The following RALYL variants were observed in gnomAD, a reference collection of about 807,000 sequenced individuals.
RALYL encodes the protein RALY RNA binding protein like, also known as RNA-binding Raly-like protein.
Under a neutral mutation model 35.1 loss-of-function variants are expected in RALYL, and 29 were observed. The ratio of observed to expected loss-of-function variants is 0.83; its 90% CI spans 0.61 to 1.13. The LOEUF is 1.13. Ranked by LOEUF, RALYL falls within the 50% of genes most tolerant of loss-of-function variation. RALYL has a pLI of 0.00. For synonymous variants in RALYL, 120 were observed against 127.6 expected (o/e 0.94, Z 0.40); for missense variants, 359 against 360.4 (o/e 1.00, Z 0.03).
At chr8:84,248,289 A>G (rs1279141490) in intron 1 of RALYL, among the ~76,000 whole-genome samples, 3 of 152,144 alleles carry the variant, frequency 2.0e-5, no homozygotes, top group African/African-American at 7.2e-5. Flanking sequence ...CAGGGGGCTT[A>G]TGGGAGTAAA....
intron 1 of RALYL, among the ~76,000 whole-genome samples, chr8:84,353,126 T>A (rs1286325590): frequency 6.7e-6 from 1 of 150,186 alleles, no homozygotes; most frequent in East Asian, 1.9e-4. Context: ...TATTAACATA[T>A]ACATACACAG....
intron 2 of RALYL, among the ~76,000 whole-genome samples, chr8:84,582,846 T>A (rs1188594659): frequency 1.3e-5 from 2 of 151,668 alleles, no homozygotes; most frequent in Non-Finnish European, 2.9e-5. Context: ...TTTAATTTCA[T>A]AAAATATGCT....
chr8:84,260,225 C>G (rs1831998099), intron 1 of RALYL, among the ~76,000 whole-genome samples: 1 of 152,070 alleles, frequency 6.6e-6, no homozygotes, highest in Non-Finnish European at 1.5e-5. Context: ...ACATGTGCCT[C>G]CAGAACCTAA....
intron 1 of RALYL, among the ~76,000 whole-genome samples, chr8:84,416,461 G>T (rs868274525): frequency 6.6e-6 from 1 of 152,132 alleles, no homozygotes; most frequent in Non-Finnish European, 1.5e-5. Context: ...CTGAATAATA[G>T]TTCCCATATG....
At chr8:84,701,477 C>G (rs1250212783) in intron 2 of RALYL, among the ~76,000 whole-genome samples, 1 of 152,154 alleles carries the variant, frequency 6.6e-6, no homozygotes, top group South Asian at 2.1e-4. Context: ...ACTCTATATA[C>G]AGTGTCTTGA....
intron 2 of RALYL, among the ~76,000 whole-genome samples, chr8:84,760,388 GATATTCTACCAATTC>G (rs1812408223): frequency 6.6e-6 from 1 of 151,812 alleles, no homozygotes; most frequent in African/African-American, 2.4e-5. Flanking sequence ...AAAGAGCTGT[GATATTCTACCAATTC>G]ATACAAGCAG....
rs529832545 is a variant in RALYL, at chr8:84,919,733, A to G, written c.859-1161A>G. Among the ~76,000 whole-genome samples, 42 of 152,218 alleles carry G rather than the reference A, an allele frequency of 2.8e-4. 2 individuals carry two copies. The South Asian group carries it at 7.3e-3, about 26-fold the overall frequency. ...TCATGAAAGCTTCTTTCCTAGGGAT[A>G]TAAGTTTTTAAATGTGTCTGACTAT... On this transcript the variant is annotated intron_variant, in intron 8 of 8. Coordinates refer to ENST00000521268, the MANE Select transcript of RALYL (RefSeq NM_173848.7).
intron 6 of RALYL, among the ~76,000 whole-genome samples, chr8:84,868,045 T>C (rs1440883249): frequency 1.3e-5 from 2 of 152,106 alleles, no homozygotes; most frequent in Non-Finnish European, 2.9e-5. Context: ...ATGTTTCTTG[T>C]CTGTCACTAG....
At chr8:84,314,411 A>C (rs987094585) in intron 1 of RALYL, among the ~76,000 whole-genome samples, 5 of 152,206 alleles carry the variant, frequency 3.3e-5, no homozygotes, top group South Asian at 2.1e-4. Flanking sequence ...GAAATGGAAA[A>C]TATTAAAAGA....
chr8:84,295,055 C>A (rs1226451761), intron 1 of RALYL, among the ~76,000 whole-genome samples: 2 of 152,066 alleles, frequency 1.3e-5, no homozygotes. Flanking sequence ...ACCTACAGAA[C>A]CTGTTGGTTA....
rs371406360 is a variant in RALYL, at chr8:84,425,133, A to G, written c.-23-104166A>G. Reference sequence around the variant, plus strand: ...CCTAAGCAAGCCTGGGCAATGGCGGACGCCCCTCCCCCAGCCTCGCTGCTA... The same window carrying G: ...CCTAAGCAAGCCTGGGCAATGGCGGGCGCCCCTCCCCCAGCCTCGCTGCTA... On this transcript the variant is annotated intron_variant, in intron 1 of 8. Transcript: ENST00000521268. Among the ~76,000 whole-genome samples, 586 of 152,024 alleles carry G rather than the reference A, an allele frequency of 3.9e-3. 4 individuals carry two copies. Among genetic ancestry groups the G allele is most frequent in the African/African-American group, 0.013 (539 of 41,404 alleles).
chr8:84,895,981 T>TCACAATCTCTC (rs1215486441), intron 8 of RALYL, among the ~76,000 whole-genome samples: 1 of 152,166 alleles, frequency 6.6e-6, no homozygotes, highest in Non-Finnish European at 1.5e-5. Context: ...TGCCACTCCC[T>TCACAATCTCTC]CACAATCTCT....
intron 1 of RALYL, among the ~76,000 whole-genome samples, chr8:84,423,849 C>A (rs986380066): frequency 2.6e-4 from 39 of 151,492 alleles, no homozygotes; most frequent in African/African-American, 9.5e-4. Context: ...GTTGAAAATT[C>A]TTTTCTTTAA....
At chr8:84,912,087 C>G (rs1316025798) in intron 8 of RALYL, among the ~76,000 whole-genome samples, 1 of 152,012 alleles carries the variant, frequency 6.6e-6, no homozygotes, top group Admixed American at 6.6e-5. Flanking sequence ...AAGTTCAAAC[C>G]CTCTAGTCAT....
chr8:84,512,549 G>A (rs2057710730), intron 1 of RALYL, among the ~76,000 whole-genome samples: 1 of 152,024 alleles, frequency 6.6e-6, no homozygotes. Flanking sequence ...AGTCCCATTT[G>A]TCTAGTTTTG....
rs144541917 is a variant in RALYL, at chr8:84,840,484, C to A, written c.366-9496C>A. Among the ~76,000 whole-genome samples, 244 of 152,322 alleles carry A rather than the reference C, an allele frequency of 1.6e-3. 3 individuals are homozygous for A. The East Asian group carries it at 0.042, about 26-fold the overall frequency. The stretch of plus-strand genomic sequence containing the variant: ...GGACTATGTGAAAAGACCAAATCTA[C>A]GCCTGACTGGTGTACCTGAAAGTGA... On this transcript the variant is annotated intron_variant, in intron 4 of 8. Coordinates refer to ENST00000521268, the MANE Select transcript of RALYL (RefSeq NM_173848.7).
At chr8:84,833,832 T>C (rs1831414656) in intron 4 of RALYL, among the ~76,000 whole-genome samples, 2 of 151,818 alleles carry the variant, frequency 1.3e-5, no homozygotes, top group African/African-American at 4.8e-5. Context: ...ATAATATTAA[T>C]ACTAACTCAT....
chr8:84,402,878 T>C (rs1451686978), intron 1 of RALYL, among the ~76,000 whole-genome samples: 2 of 152,130 alleles, frequency 1.3e-5, no homozygotes, highest in South Asian at 4.1e-4. Context: ...TGGTATCTCA[T>C]TGTAGTTTTG....
intron 2 of RALYL, among the ~76,000 whole-genome samples, chr8:84,739,283 A>T (rs541106947): frequency 6.6e-6 from 1 of 151,910 alleles, no homozygotes; most frequent in Non-Finnish European, 1.5e-5. Flanking sequence ...AATACTTCAC[A>T]TCGTATAATC....
Sources: allele counts gnomAD v4.1 joint callset (sites outside exome capture counted in the v4.1 genomes callset), GRCh38; gene constraint gnomAD v4.1.1; transcripts MANE v1.5; gene names NCBI Gene and HGNC (gene_info 2026-07-23, HGNC 2026-07-21).